EP400: variants seen among roughly 807,000 people sequenced by gnomAD.
EP400 encodes the protein E1A-binding protein p400.
A neutral mutation model predicts 354.1 loss-of-function variants in EP400; 105 were observed. The ratio of observed to expected loss-of-function variants is 0.30; its 90% CI spans 0.25 to 0.35. EP400 has a LOEUF of 0.35. Ranked by LOEUF, EP400 falls within the 10% of genes least tolerant of loss-of-function variation. EP400 has a pLI of 1.00. For synonymous variants in EP400, 1,646 were observed against 1,716.9 expected (o/e 0.96, Z 1.02); for missense variants, 3,280 against 4,121.0 (o/e 0.80, Z 5.59).
chr12:132,025,911 A>G lies in EP400; in HGVS notation c.5014+107A>G. On this transcript the variant is annotated intron_variant, in intron 25 of 52. Transcript: ENST00000389561. This position sits in a 1 kb window ranked among gnomAD's most constrained non-coding sequence, Gnocchi z 4.1. ...GTCTTTGACTGTATCTCAGAACAGC[A>G]CAGTCTAGTGTGTGGCCATCTCTGA... 7.6e-7 allele frequency: 1 copy of G among 1,321,530 alleles called. No homozygotes were observed. Among genetic ancestry groups the G allele is most frequent in the Non-Finnish European group, 1.0e-6 (1 of 1,001,130 alleles). 81.9% of individuals were successfully genotyped at this position (1,321,530 alleles called of 1,614,324 possible).
At chr12:132,014,462 G>A (rs1246750809) in intron 19 of EP400, among the ~76,000 whole-genome samples, 1 of 152,244 alleles carries the variant, frequency 6.6e-6, no homozygotes, top group Non-Finnish European at 1.5e-5. Context: ...TTGACACAGA[G>A]TGTGGGGCCC....
At position 132,032,057 on chromosome 12, in the gene EP400, G is replaced by A; in HGVS notation, c.5859G>A (p.Val1953=). ...ACCTTGTAGAGGCGGACACCGTCGT[G>A]TTTTATGACAATGACCTGAATCCAG... ...GINLVEADTV[V]FYDNDLNPVM... is the part of the protein sequence containing the mutation. The change falls in exon 30 of 53, where the codon GTG becomes GTA. Residue 1953 remains valine, a synonymous_variant. Transcript: ENST00000389561. 6.2e-7 allele frequency: 1 copy of A among 1,614,238 alleles called. No homozygotes were observed.
intron 45 of EP400, among the ~76,000 whole-genome samples, chr12:132,059,892 A>G (rs1202355354): frequency 7.2e-5 from 11 of 151,844 alleles, no homozygotes; most frequent in Admixed American, 2.0e-4. Context: ...GTGTGGTGGC[A>G]CGCGTGTGTA....
intron 51 of EP400, among the ~76,000 whole-genome samples, chr12:132,074,713 C>G (rs1197360012): frequency 6.6e-6 from 1 of 152,222 alleles, no homozygotes; most frequent in Non-Finnish European, 1.5e-5. Context: ...GCTCTGTCTC[C>G]TCAGTCACTC....
At position 131,979,760 on chromosome 12, in the gene EP400, A is replaced by C. The variant is rs375606837; in HGVS notation, c.1402A>C (p.Arg468=). ...GSTVETDLFK[R]QQAMPSTGMA... ...CACAGTAGAGACGGACCTGTTTAAGAGGCAGCAGGCGATGCCCTCCACAGG... is the reference window on the plus strand; with the variant it reads ...CACAGTAGAGACGGACCTGTTTAAGCGGCAGCAGGCGATGCCCTCCACAGG... Residue 468 remains arginine (R), a synonymous_variant, in exon 3 of 53, where the codon AGG becomes CGG. Coordinates refer to ENST00000389561, the MANE Select transcript of EP400 (RefSeq NM_015409.5). The C allele has an allele frequency of 1.7e-4, 274 of 1,608,700 alleles. No individual in the cohort carries two copies. Among genetic ancestry groups the C allele is most frequent in the Non-Finnish European group, 2.3e-4 (265 of 1,177,526 alleles).
At chr12:132,064,588 G>C (rs368242643) in intron 47 of EP400, 80 bp from the exon 48 acceptor site, 20 of 1,539,616 alleles carry the variant, frequency 1.3e-5, no homozygotes, top group African/African-American at 1.1e-4. Flanking sequence ...GCAGTAGAGG[G>C]GTGGCTTAGG....
chr12:132,039,502 A>G (rs1593366304), intron 32 of EP400, among the ~76,000 whole-genome samples: 2 of 152,094 alleles, frequency 1.3e-5, no homozygotes, highest in South Asian at 2.1e-4. Context: ...GAGCGTTTCT[A>G]TTCCTGAGGG....
chr12:131,953,123 G>A (rs1891572488), intron 1 of EP400, among the ~76,000 whole-genome samples: 1 of 152,118 alleles, frequency 6.6e-6, no homozygotes, highest in Admixed American at 6.5e-5. Context: ...AGTGATTTGT[G>A]GCCTCCCGAA....
chr12:131,958,169 C>A (rs1305316712), intron 1 of EP400, among the ~76,000 whole-genome samples: 1 of 152,186 alleles, frequency 6.6e-6, no homozygotes, highest in African/African-American at 2.4e-5. Flanking sequence ...AATCTCCTAT[C>A]ATAATGTTTG....
chr12:131,986,412 G>A (rs1270400038), intron 5 of EP400, 102 bp from the exon 6 acceptor site: 123 of 1,148,738 alleles, frequency 1.1e-4, no homozygotes, highest in Non-Finnish European at 1.3e-4. Flanking sequence ...GAAGGTGCTG[G>A]CAGTGCGCGT....
chr12:131,980,676 G>C (rs1008130952), intron 3 of EP400, among the ~76,000 whole-genome samples: 3 of 152,150 alleles, frequency 2.0e-5, no homozygotes, highest in African/African-American at 7.2e-5. Flanking sequence ...CTCCTGAGTA[G>C]CTGGGACTAC....
intron 15 of EP400, among the ~76,000 whole-genome samples, chr12:132,007,439 C>G (rs1893621468): frequency 6.6e-6 from 1 of 151,872 alleles, no homozygotes; most frequent in Non-Finnish European, 1.5e-5. Context: ...GCTCTTCACC[C>G]TCCTGACACT....
In EP400 at chr12:132,038,572, C is replaced by A. The variant is rs1223365174; in HGVS notation, c.6207+476C>A. 6.6e-6 allele frequency among the ~76,000 whole-genome samples: 1 copy of A among 152,224 alleles called. No homozygotes were observed. Among genetic ancestry groups the A allele is most frequent in the Non-Finnish European group, 1.5e-5 (1 of 68,048 alleles). On this transcript the variant is annotated intron_variant, in intron 32 of 52. Transcript: ENST00000389561. This position sits in a 1 kb window ranked among gnomAD's most constrained non-coding sequence, Gnocchi z 4.2. ...AAGAACACAGACTATCACGTTGATACTTTTGAGTGTTGACTACATGTTGAA... is the reference window on the plus strand; with the variant it reads ...AAGAACACAGACTATCACGTTGATAATTTTGAGTGTTGACTACATGTTGAA...
intron 32 of EP400, 108 bp from the exon 33 acceptor site, chr12:132,043,196 G>A: frequency 8.3e-7 from 1 of 1,203,372 alleles, no homozygotes; most frequent in Non-Finnish European, 1.1e-6. Flanking sequence ...TGGAGAGTGG[G>A]TGATTATAGT....
chr12:132,019,974 C>T (rs1458852684), intron 21 of EP400, 75 bp from the exon 22 acceptor site: 43 of 1,421,822 alleles, frequency 3.0e-5, no homozygotes, highest in African/African-American at 5.9e-5. Flanking sequence ...CGGTGAACCC[C>T]GGCTCCATGA....
intron 10 of EP400, 126 bp downstream of exon 10, chr12:131,991,582 T>C (rs1471325025): frequency 4.5e-5 from 41 of 908,304 alleles, no homozygotes; most frequent in Admixed American, 3.2e-4. Flanking sequence ...TTTTCTTTTT[T>C]TTTTTTTTTT....
chr12:131,986,550 C>T lies in EP400; in HGVS notation c.1966C>T (p.Pro656Ser). 6.2e-7 allele frequency: 1 copy of T among 1,612,754 alleles called. No homozygotes were observed. The highest frequency in any genetic ancestry group is 8.5e-7 in the Non-Finnish European group (1 of 1,179,296). The change falls in exon 6 of 53, where the codon CCG becomes TCG. Residue 656 changes from proline to serine, a missense_variant. Pro to Ser is a moderately conservative substitution (Grantham distance 74). This residue lies in a region of EP400 where 800 missense variants were observed against 840.0 expected (regional missense o/e 0.95). Coordinates refer to ENST00000389561, the MANE Select transcript of EP400 (RefSeq NM_015409.5). Reference protein sequence around the residue: ...ASTRLPVDPAPPCPRPLPTSS... With the variant: ...ASTRLPVDPASPCPRPLPTSS... ...GACAAGGCTCCCTGTGGACCCTGCC[C>T]CGCCCTGCCCACGGCCTCTGCCCAC... is the stretch of plus-strand genomic sequence containing the variant.
At chr12:132,060,098 C>T (rs11830241) in intron 45 of EP400, among the ~76,000 whole-genome samples, 16,867 of 151,710 alleles carry the variant, frequency 0.11, 1,153 homozygotes, top group African/African-American at 0.19. Context: ...AAGCAGGAAA[C>T]TATGTTTAGA....
intron 15 of EP400, among the ~76,000 whole-genome samples, chr12:132,008,868 C>T (rs568432988): frequency 4.2e-4 from 63 of 150,874 alleles, no homozygotes; most frequent in African/African-American, 1.5e-3. Flanking sequence ...GATCCACCCA[C>T]CTCAGCCTCC....
Sources: allele counts gnomAD v4.1 joint callset (sites outside exome capture counted in the v4.1 genomes callset), GRCh38; gene constraint gnomAD v4.1.1; regional missense constraint gnomAD v4.1.1; non-coding constraint Gnocchi (gnomAD v3.1); transcripts MANE v1.5; gene names NCBI Gene and HGNC (gene_info 2026-07-23, HGNC 2026-07-21).